The following HARS2 variants were observed in gnomAD, a reference collection of about 807,000 sequenced individuals.
The protein encoded by HARS2 is histidyl-tRNA synthetase 2, mitochondrial, also known as histidine--tRNA ligase, mitochondrial.
A neutral mutation model predicts 62.4 loss-of-function variants in HARS2; 40 were observed. That is an observed-to-expected ratio of 0.64 (90% CI 0.50 to 0.83). The LOEUF (loss-of-function observed/expected upper bound fraction) is 0.83, where lower values mean the gene tolerates loss of function less well. HARS2 is among the 40% of genes least tolerant of loss of function. The pLI, the probability that HARS2 is intolerant of heterozygous loss-of-function variation, is 0.00. For missense variants in HARS2, 569 were observed against 626.4 expected, an observed-to-expected ratio of 0.91 and a Z score of 0.98; for synonymous variants, 228 against 227.0, an observed-to-expected ratio of 1.00 and a Z score of -0.04.
intron 4 of HARS2, 94 bp downstream of exon 4, chr5:140,694,374 A>G (rs916004467): frequency 3.5e-6 from 3 of 857,890 alleles, no homozygotes; most frequent in Non-Finnish European, 6.1e-6. Context: ...GGGATCTTAG[A>G]GGTCCATTGC....
chr5:140,694,683 T>C (rs184717428), intron 4 of HARS2, among the ~76,000 whole-genome samples: 1 of 152,054 alleles, frequency 6.6e-6, no homozygotes, highest in African/African-American at 2.4e-5. Context: ...CTGGCCAATA[T>C]AGTGAAACCC....
rs756692287 is a variant in HARS2 at position 140,694,230 on chromosome 5, G to A, written c.349G>A (p.Asp117Asn). The change falls in exon 4 of 13, where the codon GAT becomes AAT. Residue 117 changes from aspartate to asparagine, a missense_variant. Coordinates refer to ENST00000230771, the MANE Select transcript of HARS2 (RefSeq NM_012208.4). ...TGGAGAGGACTCTGGGCTCATGTATGATCTGAAGGATCAAGGTGGAGAGCT... is the reference window on the plus strand; with the variant it reads ...TGGAGAGGACTCTGGGCTCATGTATAATCTGAAGGATCAAGGTGGAGAGCT... Reference protein sequence around the residue: ...KYGEDSGLMYDLKDQGGELLS... With the variant: ...KYGEDSGLMYNLKDQGGELLS... 6.2e-7 allele frequency: 1 copy of A among 1,613,960 alleles called. No homozygotes were observed. Among genetic ancestry groups the A allele is most frequent in the African/African-American group, 1.3e-5 (1 of 75,060 alleles).
intron 4 of HARS2, 72 bp downstream of exon 4, chr5:140,694,352 G>A (rs1410074901): frequency 7.7e-6 from 8 of 1,044,202 alleles, no homozygotes; most frequent in Non-Finnish European, 1.2e-5. Context: ...CAAAAGTGGA[G>A]AACGTGACTT....
rs763487395 is a variant in HARS2 at position 140,691,733 on chromosome 5, G to A, written c.85G>A (p.Gly29Arg). 1.9e-6 allele frequency: 3 copies of A among 1,551,634 alleles called. No homozygotes were observed. Among genetic ancestry groups the A allele is most frequent in the Non-Finnish European group, 1.7e-6 (2 of 1,147,036 alleles). ...LLRPPCASCT[G>R]AVRCQSQVAE... ...GCGACCGCCCTGCGCTTCGTGCACC[G>A]GGGCGGTCCGTTGCCAAAGCCAGGT... The change falls in exon 1 of 13, where the codon GGG (glycine) becomes AGG (arginine). Residue 29 changes from glycine to arginine, a missense_variant. Physicochemically the swap from Gly to Arg is moderately radical, Grantham distance 125. Transcript: ENST00000230771.
Position 140,698,828 on chromosome 5 carries a change from A to C in HARS2, c.*276A>C, listed in dbSNP as rs1207071444. The stretch of plus-strand genomic sequence containing the variant: ...TTTGAAGTGCCACGGAACGTTGTCA[A>C]GAGGTAGTGAGATTGTTGCTGTGAG... On this transcript the variant is annotated 3_prime_UTR_variant, in exon 13 of 13. Coordinates refer to ENST00000230771, the MANE Select transcript of HARS2 (RefSeq NM_012208.4). The C allele has an allele frequency of 2.0e-6, 1 of 490,626 alleles. No individual in the cohort carries two copies. The highest frequency in any genetic ancestry group is 3.7e-6 in the Non-Finnish European group (1 of 268,754). 30.4% of individuals were successfully genotyped at this position (490,626 alleles called of 1,614,324 possible).
Position 140,698,719 on chromosome 5 carries a change from A to ACT in HARS2, c.*169_*170dup, listed in dbSNP as rs1759862282. On this transcript the variant is annotated 3_prime_UTR_variant, in exon 13 of 13. Transcript: ENST00000230771. ...TGCAGAACTGTAGAAGACCCTGAGG[A>ACT]CTCCTGGGCTAGTGTGAGCAGCTAT... 1 of 718,374 alleles carries ACT rather than the reference A, an allele frequency of 1.4e-6. No homozygotes were observed. Among genetic ancestry groups the ACT allele is most frequent in the Non-Finnish European group, 2.5e-6 (1 of 392,966 alleles). 44.5% of individuals were successfully genotyped at this position (718,374 alleles called of 1,614,324 possible). A position where few individuals can be genotyped will look rare whatever the true frequency, so the allele number is the denominator to read the frequency against.
rs1759786631 is a variant in HARS2, at chr5:140,697,299, T to C, written c.1090T>C (p.Tyr364His). 2 of 1,614,030 alleles carry C rather than the reference T, an allele frequency of 1.2e-6. No homozygotes were observed. Among genetic ancestry groups the C allele is most frequent in the Non-Finnish European group, 1.7e-6 (2 of 1,180,016 alleles). The change falls in exon 10 of 13, where the codon TAT becomes CAT. Residue 364 changes from tyrosine (Y) to histidine (H), a missense_variant. Tyr to His is a moderately conservative substitution (Grantham distance 83, BLOSUM62 2). Coordinates refer to ENST00000230771, the MANE Select transcript of HARS2 (RefSeq NM_012208.4). ...NVGSVAAGGR[Y>H]DGLVGMFDPK... ...GGGCAGTGTGGCTGCTGGTGGGCGC[T>C]ATGATGGGCTGGTGGGCATGTTTGA...
In HARS2 at chr5:140,691,492, A is replaced by G. The variant is rs1381902339; in HGVS notation, c.-157A>G. 1.4e-6 allele frequency: 1 copy of G among 724,962 alleles called. No homozygotes were observed. The highest frequency in any genetic ancestry group is 2.1e-5 in the Admixed American group (1 of 46,592). 44.9% of individuals were successfully genotyped at this position (724,962 alleles called of 1,614,324 possible). On this transcript the variant is annotated 5_prime_UTR_variant, in exon 1 of 13. Coordinates refer to ENST00000230771, the MANE Select transcript of HARS2 (RefSeq NM_012208.4). ...TACTAAGGGAACTTGGGAGGATCCC[A>G]CCTCAGCCTTCGTGACTAGTGAGGT...
chr5:140,696,572 C>G lies in HARS2; in HGVS notation c.784C>G (p.Pro262Ala), dbSNP rs145104612. The G allele has an allele frequency of 1.5e-4, 249 of 1,613,850 alleles. 1 individual carries two copies. In the African/African-American group the frequency reaches 2.9e-3, roughly 19 times the overall value. Residue 262 changes from proline to alanine, a missense_variant, in exon 8 of 13, where the codon CCT becomes GCT. Physicochemically the swap from Pro to Ala is conservative, Grantham distance 27. Transcript: ENST00000230771. ...GATGGTGGTGAAGAAAGGCCTGGCT[C>G]CTGAGGTGGCTGATCGAATTGGGGA... is the stretch of plus-strand genomic sequence containing the variant. ...HEMVVKKGLA[P>A]EVADRIGDYV...
intron 12 of HARS2, 96 bp downstream of exon 12, chr5:140,698,174 A>G (rs1759834025): frequency 8.3e-7 from 1 of 1,206,318 alleles, no homozygotes; most frequent in South Asian, 1.3e-5. Flanking sequence ...AATTATCTTC[A>G]TGGTTAATAG....
At chr5:140,693,423 C>T in intron 1 of HARS2, 168 bp from the exon 2 acceptor site, 4 of 1,347,656 alleles carry the variant, frequency 3.0e-6, no homozygotes, top group Non-Finnish European at 4.2e-6. Context: ...GTAAATACAA[C>T]ATAGATTCTT....
chr5:140,695,590 G>A lies in HARS2; in HGVS notation c.482G>A (p.Ser161Asn). The change falls in exon 5 of 13, where the codon AGC becomes AAC. Residue 161 changes from serine (S) to asparagine (N), a missense_variant. Physicochemically the swap from Ser to Asn is conservative, Grantham distance 46. Coordinates refer to ENST00000230771, the MANE Select transcript of HARS2 (RefSeq NM_012208.4). ...YHVGKVWRRE[S>N]PTIVQGRYRE... is the part of the protein sequence containing the mutation. ...GTTGGAAAGGTGTGGCGGCGAGAGA[G>A]CCCAACCATAGTCCAAGGCCGTTAT... 4 of 1,614,204 alleles carry A rather than the reference G, an allele frequency of 2.5e-6. No individual in the cohort carries two copies. Among genetic ancestry groups the A allele is most frequent in the Non-Finnish European group, 3.4e-6 (4 of 1,180,024 alleles).
At position 140,697,314 on chromosome 5, in the gene HARS2, G is replaced by C. The variant is rs61736946; in HGVS notation, c.1105G>C (p.Gly369Arg). 830 of 1,614,126 alleles carry C rather than the reference G, an allele frequency of 5.1e-4. 7 individuals carry two copies. The African/African-American group carries it at 9.9e-3, about 19-fold the overall frequency. Residue 369 changes from glycine to arginine, a missense_variant, in exon 10 of 13, where the codon GGC (glycine) becomes CGC (arginine). By Grantham distance (125) the Gly-to-Arg change is moderately radical. Coordinates refer to ENST00000230771, the MANE Select transcript of HARS2 (RefSeq NM_012208.4). ...TGGTGGGCGCTATGATGGGCTGGTG[G>C]GCATGTTTGACCCCAAGGGCCACAA... ...AAGGRYDGLV[G>R]MFDPKGHKVP...
chr5:140,691,547 C>A lies in HARS2; in HGVS notation c.-102C>A. The stretch of plus-strand genomic sequence containing the variant: ...AAACGCCCGAGTTTTCCCTGGTGCG[C>A]GGGTTCCGCCTTTGCAGTGCCCTCC... On this transcript the variant is annotated 5_prime_UTR_variant, in exon 1 of 13. Coordinates refer to ENST00000230771, the MANE Select transcript of HARS2 (RefSeq NM_012208.4). The A allele has an allele frequency of 1.2e-6, 1 of 831,032 alleles. No homozygotes were observed. The highest frequency in any genetic ancestry group is 2.0e-6 in the Non-Finnish European group (1 of 500,482). The allele number at this position is 831,032 out of a possible 1,614,324, so 51.5% of individuals were successfully genotyped here.
rs1759637753 is a variant in HARS2, at chr5:140,693,782, A to G, written c.183+117A>G. ...ACAGTAAATTTTAAAAATATATACT[A>G]TTCTTGAGATACTAGGTGCGGCTCA... On this transcript the variant is annotated intron_variant, in intron 2 of 12. Transcript: ENST00000230771. 4.2e-6 allele frequency: 5 copies of G among 1,202,560 alleles called. No homozygotes were observed. The South Asian group carries it at 6.1e-5, about 15-fold the overall frequency. The allele number at this position is 1,202,560 out of a possible 1,614,324, so 74.5% of individuals were successfully genotyped here.
At chr5:140,698,121 C>T (rs768248177) in intron 12 of HARS2, 43 bp downstream of exon 12, 2 of 1,572,110 alleles carry the variant, frequency 1.3e-6, no homozygotes, top group South Asian at 1.1e-5. Flanking sequence ...AGTATTTCTG[C>T]CTTTCCCAGA....
At chr5:140,691,790 A>G (rs1325077501) in intron 1 of HARS2, 34 bp downstream of exon 1, 9 of 1,415,854 alleles carry the variant, frequency 6.4e-6, no homozygotes, top group Middle Eastern at 3.5e-4. Context: ...GGTCTGTCCC[A>G]GCAGGGTCTC....
intron 1 of HARS2, chr5:140,693,333 A>C (rs1416622372): frequency 1.0e-5 from 2 of 199,658 alleles, no homozygotes; most frequent in East Asian, 1.8e-4. Context: ...CTCTGTCTCA[A>C]AAAAAAAAAA....
rs1320282487 is a variant in HARS2 at position 140,697,971 on chromosome 5, C to T, written c.1354C>T (p.Gln452Ter). The change falls in exon 12 of 13, where the codon CAG becomes TAG. Residue 452 changes from glutamine (Q) to a stop codon, truncating the protein, a stop_gained. Coordinates refer to ENST00000230771, the MANE Select transcript of HARS2 (RefSeq NM_012208.4). LOFTEE classifies it high-confidence loss of function. ...CAAGAACAACCCCAAACTATTAACC[C>T]AGCTGCACTATTGTGAGAGCACAGG... is the stretch of plus-strand genomic sequence containing the variant. ...LYKNNPKLLT[Q>*]LHYCESTGIP... 2 of 1,613,692 alleles carry T rather than the reference C, an allele frequency of 1.2e-6. No homozygotes were observed. The highest frequency in any genetic ancestry group is 2.7e-5 in the African/African-American group (2 of 74,902).
Sources: allele counts gnomAD v4.1 joint callset (sites outside exome capture counted in the v4.1 genomes callset), GRCh38; gene constraint gnomAD v4.1.1; transcripts MANE v1.5; gene names NCBI Gene and HGNC (gene_info 2026-07-23, HGNC 2026-07-21).